BLVRA: variants seen among roughly 807,000 people sequenced by gnomAD.
BLVRA encodes BVR A.
A neutral mutation model predicts 32.8 loss-of-function variants in BLVRA; 22 were observed. That is an observed-to-expected ratio of 0.67 (90% CI 0.48 to 0.96). The LOEUF (loss-of-function observed/expected upper bound fraction) is 0.96. Among genes scored for constraint, BLVRA ranks in the 40% least tolerant of loss-of-function variants. The pLI, the probability that BLVRA is intolerant of heterozygous loss-of-function variation, is 0.00. For missense variants in BLVRA, 323 were observed against 358.1 expected (o/e 0.90, Z 0.79); for synonymous variants, 119 against 141.3 (o/e 0.84, Z 1.12).
intron 1 of BLVRA, among the ~76,000 whole-genome samples, chr7:43,769,705 T>C (rs1028398475): frequency 6.6e-6 from 1 of 152,016 alleles, no homozygotes; most frequent in Admixed American, 6.5e-5. Context: ...CCTCCCAGGT[T>C]CAAGCAATTC....
intron 2 of BLVRA, among the ~76,000 whole-genome samples, chr7:43,778,776 G>T (rs1324274442): frequency 6.6e-6 from 1 of 152,264 alleles, no homozygotes; most frequent in East Asian, 1.9e-4. Flanking sequence ...ACAGAGGCAG[G>T]CAGGCCTCCT....
intron 1 of BLVRA, among the ~76,000 whole-genome samples, chr7:43,769,065 C>T (rs1215684816): frequency 1.3e-5 from 2 of 151,970 alleles, no homozygotes; most frequent in Non-Finnish European, 2.9e-5. Context: ...ATGTCACTAT[C>T]ACTCTAGGCT....
intron 7 of BLVRA, among the ~76,000 whole-genome samples, chr7:43,806,749 G>GA (rs375737231): frequency 1.1e-4 from 16 of 147,916 alleles, no homozygotes; most frequent in South Asian, 2.1e-4. Flanking sequence ...CTCCATCCCA[G>GA]AAAAAAAAAA....
In BLVRA at chr7:43,787,806, A is replaced by G; in HGVS notation, c.13-98A>G. 2 of 1,592,936 alleles carry G rather than the reference A, an allele frequency of 1.3e-6. No individual in the cohort carries two copies. Among genetic ancestry groups the G allele is most frequent in the Non-Finnish European group, 1.7e-6 (2 of 1,161,516 alleles). The stretch of plus-strand genomic sequence containing the variant: ...TCCTGTGTGTTTTGGGCTGGCTTCC[A>G]TCTTGCTCGTCGGGACCCTGCCAGC... On this transcript the variant is annotated intron_variant, in intron 2 of 7. Transcript: ENST00000265523. The surrounding 1 kb of genome is among the most constrained non-coding windows in gnomAD (Gnocchi z 4.5).
chr7:43,768,749 T>C (rs1336179694), intron 1 of BLVRA, among the ~76,000 whole-genome samples: 2 of 152,002 alleles, frequency 1.3e-5, no homozygotes, highest in African/African-American at 4.8e-5. Context: ...TAAAGCACAG[T>C]AGGGTGTTGG....
chr7:43,758,379 C>G (rs2095738411), upstream of BLVRA, among the ~76,000 whole-genome samples: 1 of 152,120 alleles, frequency 6.6e-6, no homozygotes, highest in Admixed American at 6.5e-5. Flanking sequence ...CCAGGCACAC[C>G]GTGAGGGGGC....
chr7:43,797,490 G>A (rs566134724), intron 5 of BLVRA, among the ~76,000 whole-genome samples: 20 of 152,326 alleles, frequency 1.3e-4, no homozygotes, highest in Admixed American at 3.9e-4. Flanking sequence ...ACTTGTGTAT[G>A]AACCGGGAAA....
At chr7:43,805,368 C>T (rs1321980230) in intron 7 of BLVRA, among the ~76,000 whole-genome samples, 4 of 151,624 alleles carry the variant, frequency 2.6e-5, no homozygotes, top group African/African-American at 9.7e-5. Flanking sequence ...CTGCAACCTC[C>T]ATCTCCCGGG....
intron 6 of BLVRA, among the ~76,000 whole-genome samples, chr7:43,802,138 AAAAC>A (rs924777726): frequency 3.2e-4 from 49 of 152,136 alleles, no homozygotes; most frequent in South Asian, 2.7e-3. Flanking sequence ...CTCTGTCTCA[AAAAC>A]AAACAAACAA....
chr7:43,766,289 GGA>G, intron 1 of BLVRA, among the ~76,000 whole-genome samples: 3 of 116,168 alleles, frequency 2.6e-5, no homozygotes, highest in African/African-American at 8.9e-5. Flanking sequence ...TCTGTCTCAG[GGA>G]AAAAAAAAAA....
intron 5 of BLVRA, among the ~76,000 whole-genome samples, chr7:43,797,476 C>T (rs1327801991): frequency 2.6e-5 from 4 of 152,234 alleles, no homozygotes; most frequent in African/African-American, 7.2e-5. Flanking sequence ...ATAGTATAAA[C>T]ATAACTTGTG....
At position 43,807,279 on chromosome 7, in the gene BLVRA, G is replaced by C. The variant is rs1376892328; in HGVS notation, c.*44G>C. 6.3e-7 allele frequency: 1 copy of C among 1,599,334 alleles called. No individual in the cohort carries two copies. Among genetic ancestry groups the C allele is most frequent in the Non-Finnish European group, 8.5e-7 (1 of 1,179,538 alleles). Reference sequence around the variant, plus strand: ...CACTTCCAAGATGGCACCAGCATTTGGTTCTTCTCAAGAGTTGACCATTAT... The same window carrying C: ...CACTTCCAAGATGGCACCAGCATTTCGTTCTTCTCAAGAGTTGACCATTAT... On this transcript the variant is annotated 3_prime_UTR_variant, in exon 8 of 8. Transcript: ENST00000265523.
At chr7:43,794,734 C>CTAAA (rs2095789884) in intron 5 of BLVRA, among the ~76,000 whole-genome samples, 1 of 151,980 alleles carries the variant, frequency 6.6e-6, no homozygotes, top group South Asian at 2.1e-4. Context: ...AACTCTATCT[C>CTAAA]TAAATAAATA....
chr7:43,792,660 T>G (rs2095787394), intron 4 of BLVRA, 55 bp from the exon 5 acceptor site: 1 of 1,488,502 alleles, frequency 6.7e-7, no homozygotes, highest in Non-Finnish European at 9.3e-7. Context: ...TGCAGAGCAT[T>G]TCAGTGAAGC....
At chr7:43,768,836 C>T (rs10225380) in intron 1 of BLVRA, among the ~76,000 whole-genome samples, 23,083 of 151,910 alleles carry the variant, frequency 0.15, 2,210 homozygotes, top group Non-Finnish European at 0.21. Flanking sequence ...CCTCTGCTCC[C>T]GTGTCTTCAT....
At position 43,787,866 on chromosome 7, in the gene BLVRA, A is replaced by G. The variant is rs762650138; in HGVS notation, c.13-38A>G. ...TTGTAGTTTTCTGCTCGATGCCTAC[A>G]GTGTTTTCAGACTCCACCTTGGTCC... On this transcript the variant is annotated intron_variant, in intron 2 of 7. Transcript: ENST00000265523. This position sits in a 1 kb window ranked among gnomAD's most constrained non-coding sequence, Gnocchi z 4.5. 6.2e-7 allele frequency: 1 copy of G among 1,613,916 alleles called. No individual in the cohort carries two copies. Among genetic ancestry groups the G allele is most frequent in the Non-Finnish European group, 8.5e-7 (1 of 1,180,002 alleles).
intron 5 of BLVRA, among the ~76,000 whole-genome samples, chr7:43,799,888 G>C (rs1228536833): frequency 6.6e-6 from 1 of 152,150 alleles, no homozygotes; most frequent in Non-Finnish European, 1.5e-5. Context: ...TTTGGACACA[G>C]GTAGATACCA....
intron 1 of BLVRA, among the ~76,000 whole-genome samples, chr7:43,765,417 A>G (rs550282966): frequency 1.4e-4 from 22 of 151,960 alleles, no homozygotes; most frequent in African/African-American, 5.3e-4. Context: ...ACCCCCTGCT[A>G]ATTTTTGTAA....
At chr7:43,759,801 T>C (rs2095740224) in intron 1 of BLVRA, among the ~76,000 whole-genome samples, 1 of 152,142 alleles carries the variant, frequency 6.6e-6, no homozygotes, top group Non-Finnish European at 1.5e-5. Context: ...TCCTAAAAGA[T>C]TGTATTGATA....
Sources: gnomAD v4.1 joint callset for allele counts (sites outside exome capture counted in the v4.1 genomes callset) on GRCh38, gnomAD v4.1.1 for gene constraint, Gnocchi (gnomAD v3.1) non-coding constraint, MANE v1.5 for transcripts, NCBI Gene and HGNC (gene_info 2026-07-23, HGNC 2026-07-21) for gene names.